XYLT1: variants seen among roughly 807,000 people sequenced by gnomAD.
XYLT1 encodes beta-D-xylosyltransferase 1.
XYLT1 carries 36 observed loss-of-function variants against 91.3 expected under a neutral mutation model. That is an observed-to-expected ratio of 0.39 (90% CI 0.30 to 0.52). The LOEUF (loss-of-function observed/expected upper bound fraction) is 0.52. XYLT1 is among the 20% of genes least tolerant of loss of function. The pLI is 0.68. For missense variants in XYLT1, 1,242 were observed against 1,284.5 expected, an observed-to-expected ratio of 0.97 and a Z score of 0.51; for synonymous variants, 588 against 532.0, an observed-to-expected ratio of 1.11 and a Z score of -1.45.
At chr16:17,392,797 G>T (rs2035836287) in intron 1 of XYLT1, among the ~76,000 whole-genome samples, 1 of 152,060 alleles carries the variant, frequency 6.6e-6, no homozygotes, top group African/African-American at 2.4e-5. Context: ...GACAAGACTA[G>T]AAATCATCCC....
intron 1 of XYLT1, among the ~76,000 whole-genome samples, chr16:17,438,186 C>T (rs1332928006): frequency 6.6e-6 from 1 of 152,146 alleles, no homozygotes; most frequent in South Asian, 2.1e-4. Context: ...CAGATGAGAT[C>T]AGGCATCTGT....
At chr16:17,304,023 G>T (rs2034436639) in intron 2 of XYLT1, among the ~76,000 whole-genome samples, 1 of 152,104 alleles carries the variant, frequency 6.6e-6, no homozygotes, top group Non-Finnish European at 1.5e-5. Flanking sequence ...GTGTACAGGT[G>T]CATGCAGATA....
intron 2 of XYLT1, among the ~76,000 whole-genome samples, chr16:17,305,636 G>T (rs568129827): frequency 6.6e-6 from 1 of 151,862 alleles, no homozygotes; most frequent in African/African-American, 2.4e-5. Flanking sequence ...GGGTGGTCTC[G>T]ATCTCCTGAC....
intron 11 of XYLT1, among the ~76,000 whole-genome samples, chr16:17,114,878 T>G (rs1966848822): frequency 6.6e-6 from 1 of 152,172 alleles, no homozygotes; most frequent in African/African-American, 2.4e-5. Context: ...AGAGTCTCGC[T>G]TTGTCACCCA....
chr16:17,214,730 C>T (rs541920665), intron 3 of XYLT1, among the ~76,000 whole-genome samples: 36 of 152,294 alleles, frequency 2.4e-4, no homozygotes, highest in African/African-American at 8.2e-4. Context: ...ACATAAATAT[C>T]TCCAGGACCA....
intron 1 of XYLT1, among the ~76,000 whole-genome samples, chr16:17,443,847 G>T (rs1420990620): frequency 1.3e-5 from 2 of 151,984 alleles, no homozygotes; most frequent in Non-Finnish European, 2.9e-5. Context: ...TTTTCTTTTT[G>T]AAAGCTCAAA....
chr16:17,161,677 GCTCTCT>G (rs10676460), intron 5 of XYLT1, among the ~76,000 whole-genome samples: 6 of 148,998 alleles, frequency 4.0e-5, no homozygotes, highest in African/African-American at 7.4e-5. Context: ...TTTCTCGCGC[GCTCTCT>G]CTCTCTCTCT....
At chr16:17,161,190 T>A (rs951489962) in intron 5 of XYLT1, among the ~76,000 whole-genome samples, 12 of 152,150 alleles carry the variant, frequency 7.9e-5, no homozygotes, top group Non-Finnish European at 1.6e-4. Context: ...ATTTTCACAT[T>A]TACCGCTTCA....
intron 1 of XYLT1, among the ~76,000 whole-genome samples, chr16:17,397,891 C>T (rs1035922187): frequency 6.9e-6 from 1 of 144,110 alleles, no homozygotes; most frequent in Admixed American, 7.2e-5. Context: ...GGTGCGATCT[C>T]GGCTCACTGC....
intron 3 of XYLT1, among the ~76,000 whole-genome samples, chr16:17,221,200 A>T (rs1201124439): frequency 6.6e-6 from 1 of 152,184 alleles, no homozygotes; most frequent in East Asian, 1.9e-4. Flanking sequence ...TATAGTCAAT[A>T]AAGCTACGGG....
intron 3 of XYLT1, among the ~76,000 whole-genome samples, chr16:17,256,138 G>A (rs765678493): frequency 2.6e-5 from 4 of 152,202 alleles, no homozygotes; most frequent in Non-Finnish European, 4.4e-5. Context: ...CTGCAGATGG[G>A]GGGGCCATAA....
At chr16:17,449,476 G>A (rs1023044462) in intron 1 of XYLT1, among the ~76,000 whole-genome samples, 1 of 152,244 alleles carries the variant, frequency 6.6e-6, no homozygotes, top group Non-Finnish European at 1.5e-5. Flanking sequence ...CTGGTCTTCA[G>A]TCCCATCAAC....
In XYLT1 at chr16:17,407,360, G is replaced by A. The variant is rs567649781; in HGVS notation, c.364-49310C>T. The stretch of plus-strand genomic sequence containing the variant: ...ATATATATAAGGGGTATAACACAGC[G>A]TTATTTTTAAGGAATAAGAGATATT... On this transcript the variant is annotated intron_variant, in intron 1 of 11. Coordinates refer to ENST00000261381, the MANE Select transcript of XYLT1 (RefSeq NM_022166.4). Among the ~76,000 whole-genome samples the A allele has an allele frequency of 5.1e-4, 78 of 152,202 alleles. 2 individuals carry two copies. The South Asian group carries it at 0.014, about 27-fold the overall frequency.
At chr16:17,459,039 T>C (rs1294789969) in intron 1 of XYLT1, among the ~76,000 whole-genome samples, 1 of 152,098 alleles carries the variant, frequency 6.6e-6, no homozygotes, top group Non-Finnish European at 1.5e-5. Context: ...TATCATATGG[T>C]TTTGTTGGGA....
intron 5 of XYLT1, among the ~76,000 whole-genome samples, chr16:17,189,000 T>G (rs948643842): frequency 6.6e-6 from 1 of 152,048 alleles, no homozygotes; most frequent in African/African-American, 2.4e-5. Context: ...AGTTGCTGCT[T>G]AGCACAGTGT....
intron 2 of XYLT1, among the ~76,000 whole-genome samples, chr16:17,315,529 T>C (rs2034617254): frequency 2.7e-5 from 2 of 74,932 alleles, no homozygotes; most frequent in Admixed American, 1.5e-4. Flanking sequence ...ACTGTACCTA[T>C]GTGTTGGTTG....
At chr16:17,132,095 C>G (rs1380254942) in intron 9 of XYLT1, among the ~76,000 whole-genome samples, 2 of 152,124 alleles carry the variant, frequency 1.3e-5, no homozygotes, top group African/African-American at 4.8e-5. Flanking sequence ...GATCATTTAC[C>G]TTATACATTC....
intron 2 of XYLT1, among the ~76,000 whole-genome samples, chr16:17,301,317 C>T (rs759757126): frequency 6.6e-6 from 1 of 151,902 alleles, no homozygotes; most frequent in African/African-American, 2.4e-5. Flanking sequence ...AGCTGAGGCA[C>T]GAAAATCCCT....
At chr16:17,367,132 GCCC>G (rs1596506006) in intron 1 of XYLT1, among the ~76,000 whole-genome samples, 1 of 152,216 alleles carries the variant, frequency 6.6e-6, no homozygotes, top group East Asian at 1.9e-4. Flanking sequence ...TTCTACCAGA[GCCC>G]GGCTCAGTCC....
Sources: gnomAD v4.1 joint callset for allele counts (sites outside exome capture counted in the v4.1 genomes callset) on GRCh38, gnomAD v4.1.1 for gene constraint, MANE v1.5 for transcripts, NCBI Gene and HGNC (gene_info 2026-07-23, HGNC 2026-07-21) for gene names.